GNA14: variants seen among roughly 807,000 people sequenced by gnomAD.
GNA14 encodes the protein G protein subunit alpha 14, also known as guanine nucleotide-binding protein subunit alpha-14.
GNA14 carries 50 observed loss-of-function variants against 42.0 expected under a neutral mutation model. The ratio of observed to expected loss-of-function variants is 1.19; its 90% confidence interval spans 0.95 to 1.51. The LOEUF is 1.51. Ranked by LOEUF, GNA14 falls within the 40% of genes most tolerant of loss-of-function variation. The probability of loss-of-function intolerance (pLI) is 0.00; values close to 1 mark genes in which losing one functional copy is unlikely to be tolerated. For missense variants in GNA14, 473 were observed against 446.2 expected (o/e 1.06, Z -0.54); for synonymous variants, 173 against 163.1 (o/e 1.06, Z -0.46).
chr9:77,439,977 C>T (rs545133929), intron 2 of GNA14, among the ~76,000 whole-genome samples: 8 of 152,242 alleles, frequency 5.3e-5, no homozygotes, highest in South Asian at 4.2e-4. Flanking sequence ...CTGTGGTTCA[C>T]GGAGAGTCCT....
chr9:77,637,734 G>C (rs1040228348), intron 1 of GNA14, among the ~76,000 whole-genome samples: 1 of 152,116 alleles, frequency 6.6e-6, no homozygotes, highest in African/African-American at 2.4e-5. Context: ...CATGCCTGTA[G>C]TCCCAGCTAC....
chr9:77,433,984 G>GAT (rs959531517), intron 3 of GNA14, among the ~76,000 whole-genome samples: 7 of 152,188 alleles, frequency 4.6e-5, no homozygotes, highest in Non-Finnish European at 7.3e-5. Flanking sequence ...AAGGCAGAGG[G>GAT]ATATAGAGAG....
chr9:77,571,986 C>T (rs1823067725), intron 1 of GNA14, among the ~76,000 whole-genome samples: 1 of 151,902 alleles, frequency 6.6e-6, no homozygotes, highest in Admixed American at 6.6e-5. Context: ...AGTGTATTTA[C>T]ATTGTGTAAA....
intron 4 of GNA14, among the ~76,000 whole-genome samples, chr9:77,429,327 C>T (rs749502922): frequency 6.6e-6 from 1 of 152,104 alleles, no homozygotes; most frequent in Non-Finnish European, 1.5e-5. Context: ...AGACAGAAAA[C>T]GCAAACGTTC....
At chr9:77,599,251 G>A (rs1480571401) in intron 1 of GNA14, among the ~76,000 whole-genome samples, 1 of 152,136 alleles carries the variant, frequency 6.6e-6, no homozygotes, top group Non-Finnish European at 1.5e-5. Context: ...AGCATAGCTG[G>A]AACAAGCACT....
At chr9:77,538,041 TA>T (rs1659564975) in intron 1 of GNA14, among the ~76,000 whole-genome samples, 1 of 151,108 alleles carries the variant, frequency 6.6e-6, no homozygotes, top group Non-Finnish European at 1.5e-5. Flanking sequence ...CTCTGTTGAC[TA>T]TTTCCTTTGC....
At chr9:77,605,238 G>A (rs1210670297) in intron 1 of GNA14, among the ~76,000 whole-genome samples, 1 of 152,168 alleles carries the variant, frequency 6.6e-6, no homozygotes, top group Non-Finnish European at 1.5e-5. Flanking sequence ...AGCTCATCCT[G>A]GACCTCAGGT....
At chr9:77,464,019 G>C (rs1168874100) in intron 2 of GNA14, among the ~76,000 whole-genome samples, 1 of 151,644 alleles carries the variant, frequency 6.6e-6, no homozygotes, top group Non-Finnish European at 1.5e-5. Context: ...TTGTTTTTTT[G>C]AGACAGGGTC....
At chr9:77,491,755 T>C (rs891096710) in intron 2 of GNA14, among the ~76,000 whole-genome samples, 7 of 152,288 alleles carry the variant, frequency 4.6e-5, no homozygotes, top group African/African-American at 1.4e-4. Context: ...GGACAGATCA[T>C]GCAGACAGAA....
chr9:77,504,021 T>A (rs977841000), intron 2 of GNA14, among the ~76,000 whole-genome samples: 1 of 152,154 alleles, frequency 6.6e-6, no homozygotes, highest in Admixed American at 6.5e-5. Context: ...ACAGATGGAA[T>A]GTGTTTAAAA....
chr9:77,475,470 G>T (rs1214488397), intron 2 of GNA14, among the ~76,000 whole-genome samples: 1 of 152,188 alleles, frequency 6.6e-6, no homozygotes, highest in Non-Finnish European at 1.5e-5. Flanking sequence ...GTATCCTGGG[G>T]ATGAATGTGG....
chr9:77,629,350 A>G (rs553116107), intron 1 of GNA14, among the ~76,000 whole-genome samples: 1 of 152,334 alleles, frequency 6.6e-6, no homozygotes, highest in East Asian at 1.9e-4. Flanking sequence ...AACCACAAAT[A>G]CCATTTGACC....
intron 1 of GNA14, among the ~76,000 whole-genome samples, chr9:77,587,067 T>A (rs911516617): frequency 6.6e-6 from 1 of 151,670 alleles, no homozygotes; most frequent in Non-Finnish European, 1.5e-5. Context: ...ACCTTCACTA[T>A]CTGACTAAAT....
intron 2 of GNA14, among the ~76,000 whole-genome samples, chr9:77,514,963 A>G (rs1837228104): frequency 6.6e-6 from 1 of 152,148 alleles, no homozygotes; most frequent in South Asian, 2.1e-4. Flanking sequence ...TATGAGTACA[A>G]AGGAAATCAG....
chr9:77,431,173 C>G, intron 4 of GNA14, 148 bp downstream of exon 4: 1 of 686,230 alleles, frequency 1.5e-6, no homozygotes, highest in Non-Finnish European at 2.4e-6. Flanking sequence ...TGAGACCTAC[C>G]TACCACAATT....
intron 2 of GNA14, among the ~76,000 whole-genome samples, chr9:77,442,566 T>C (rs763945548): frequency 6.6e-6 from 1 of 152,182 alleles, no homozygotes; most frequent in South Asian, 2.1e-4. Context: ...GTGACAAGGA[T>C]TGAGGTCTAA....
Position 77,647,901 on chromosome 9 carries a change from A to T in GNA14, c.-108T>A. The T allele has an allele frequency of 7.5e-7, 1 of 1,329,544 alleles. No homozygotes were observed. Among genetic ancestry groups the T allele is most frequent in the South Asian group, 1.3e-5 (1 of 74,828 alleles). The allele number at this position is 1,329,544 out of a possible 1,614,324, so 82.4% of individuals were successfully genotyped here. On this transcript the variant is annotated 5_prime_UTR_variant, in exon 1 of 7. Coordinates refer to ENST00000341700, the MANE Select transcript of GNA14 (RefSeq NM_004297.4). ...GCGACGGGCACAGGGGTGTGGAAAG[A>T]AAAGACGGGGGCCGACTTGAGCTTT...
chr9:77,470,679 T>A (rs572416888), intron 2 of GNA14, among the ~76,000 whole-genome samples: 6 of 152,274 alleles, frequency 3.9e-5, no homozygotes, highest in East Asian at 1.9e-4. Context: ...CACATAACTA[T>A]GAAGAACTAC....
chr9:77,496,072 G>A lies in GNA14; in HGVS notation c.309+32997C>T, dbSNP rs557914877. Among the ~76,000 whole-genome samples the A allele has an allele frequency of 3.9e-5, 6 of 152,308 alleles. No homozygotes were observed. In the South Asian group the frequency reaches 1.2e-3, roughly 32 times the overall value. ...CCACACTGGGAGATGCACCGGGGGA[G>A]GTAGTCTGTCTACATTGTCCTTGGA... is the stretch of plus-strand genomic sequence containing the variant. On this transcript the variant is annotated intron_variant, in intron 2 of 6. Transcript: ENST00000341700.
Sources: allele counts gnomAD v4.1 joint callset (sites outside exome capture counted in the v4.1 genomes callset), GRCh38; gene constraint gnomAD v4.1.1; transcripts MANE v1.5; gene names NCBI Gene and HGNC (gene_info 2026-07-23, HGNC 2026-07-21).